The following ERN1 variants were observed in gnomAD, a reference collection of about 807,000 sequenced individuals.
The protein encoded by ERN1 is endoplasmic reticulum to nucleus signaling 1, also known as serine/threonine-protein kinase/endoribonuclease IRE1.
Under a neutral mutation model 113.1 loss-of-function variants are expected in ERN1, and 39 were observed. The ratio of observed to expected loss-of-function variants is 0.34; its 90% CI spans 0.27 to 0.45. The LOEUF (loss-of-function observed/expected upper bound fraction) is 0.45. ERN1 is among the 20% of genes least tolerant of loss of function. The probability of loss-of-function intolerance (pLI) is 1.00; values close to 1 mark genes in which losing one functional copy is unlikely to be tolerated. For missense variants in ERN1, 976 were observed against 1,274.8 expected (o/e 0.77, Z 3.57); for synonymous variants, 507 against 515.9 (o/e 0.98, Z 0.23).
intron 7 of ERN1, 83 bp from the exon 8 acceptor site, chr17:64,067,015 C>A: frequency 2.0e-6 from 3 of 1,466,064 alleles, no homozygotes; most frequent in South Asian, 2.5e-5. Context: ...AGGCTCTAGT[C>A]ACTCAGTTAG....
chr17:64,127,303 C>A lies in ERN1; in HGVS notation c.54+2673G>T, dbSNP rs961245199. ...TATCAAAAACTATTTCTTGCAGAGG[C>A]ATAGTATAACATTCAAAAAATGATG... On this transcript the variant is annotated intron_variant, in intron 1 of 21. Transcript: ENST00000433197. Among the ~76,000 whole-genome samples, 21 of 152,134 alleles carry A rather than the reference C, an allele frequency of 1.4e-4. 2 individuals are homozygous for A. Among genetic ancestry groups the A allele is most frequent in the Admixed American group, 1.2e-3 (19 of 15,282 alleles).
intron 2 of ERN1, among the ~76,000 whole-genome samples, chr17:64,088,866 G>C (rs538778106): frequency 6.6e-6 from 1 of 152,170 alleles, no homozygotes. Flanking sequence ...CTGTGTTCAC[G>C]GGACAGAGGA....
At chr17:64,051,333 G>T (rs1315512443) in intron 17 of ERN1, among the ~76,000 whole-genome samples, 1 of 152,156 alleles carries the variant, frequency 6.6e-6, no homozygotes, top group South Asian at 2.1e-4. Flanking sequence ...ACATTGTGCT[G>T]AAGTATCACC....
Position 64,060,550 on chromosome 17 carries a change from C to T in ERN1, c.1125G>A (p.Met375Ile). The T allele has an allele frequency of 6.2e-7, 1 of 1,613,886 alleles. No individual in the cohort carries two copies. The highest frequency in any genetic ancestry group is 1.6e-4 in the Middle Eastern group (1 of 6,062). The change falls in exon 11 of 22, where the codon ATG becomes ATA. Residue 375 changes from methionine (M) to isoleucine (I), a missense_variant. Around this residue, in one of 5 missense-constraint regions of ERN1, gnomAD observed 459 missense variants for 581.2 expected, o/e 0.79. Coordinates refer to ENST00000433197, the MANE Select transcript of ERN1 (RefSeq NM_001433.5). ...HETPLSASTKMLERFPNNLPK... is the reference protein window; with the variant it reads ...HETPLSASTKILERFPNNLPK... ...GTAGATTGTTGGGAAATCTCTCCAGCATCTTGGTAGACGCAGACAGTGGGG... is the reference window on the plus strand; with the variant it reads ...GTAGATTGTTGGGAAATCTCTCCAGTATCTTGGTAGACGCAGACAGTGGGG...
chr17:64,062,900 T>C (rs1001645487), intron 10 of ERN1, among the ~76,000 whole-genome samples: 4 of 152,180 alleles, frequency 2.6e-5, no homozygotes, highest in Admixed American at 2.0e-4. Context: ...AAAAAAGAAA[T>C]GGACCTTGAC....
intron 1 of ERN1, among the ~76,000 whole-genome samples, chr17:64,120,036 T>G (rs1312282877): frequency 1.3e-5 from 2 of 152,126 alleles, no homozygotes; most frequent in Non-Finnish European, 2.9e-5. Context: ...GGATTACAGG[T>G]GTAAGCCACT....
At chr17:64,069,651 C>G (rs529851078) in intron 6 of ERN1, among the ~76,000 whole-genome samples, 20 of 152,160 alleles carry the variant, frequency 1.3e-4, no homozygotes, top group Non-Finnish European at 1.9e-4. Flanking sequence ...GTCTCTCTTT[C>G]CTGCCCTTTT....
At chr17:64,114,368 G>A (rs1353183947) in intron 1 of ERN1, among the ~76,000 whole-genome samples, 1 of 152,210 alleles carries the variant, frequency 6.6e-6, no homozygotes, top group African/African-American at 2.4e-5. Flanking sequence ...CAGAAGAAGA[G>A]CATCTGGTCT....
chr17:64,107,267 T>C (rs1234223566), intron 1 of ERN1, among the ~76,000 whole-genome samples: 1 of 152,128 alleles, frequency 6.6e-6, no homozygotes, highest in African/African-American at 2.4e-5. Context: ...CAAAGGACTA[T>C]CTTTGAAGTT....
At chr17:64,122,289 G>A (rs917778863) in intron 1 of ERN1, among the ~76,000 whole-genome samples, 1 of 152,178 alleles carries the variant, frequency 6.6e-6, no homozygotes, top group African/African-American at 2.4e-5. Context: ...CTTGGGAGAG[G>A]AGGGTAATGC....
intron 6 of ERN1, among the ~76,000 whole-genome samples, chr17:64,069,473 C>T (rs1359952877): frequency 1.3e-5 from 2 of 152,134 alleles, no homozygotes; most frequent in African/African-American, 4.8e-5. Flanking sequence ...GAAAGGACTT[C>T]TCAGAGGGCA....
chr17:64,053,112 C>T (rs1465763264), intron 16 of ERN1, 133 bp from the exon 17 acceptor site: 11 of 921,104 alleles, frequency 1.2e-5, no homozygotes, highest in Middle Eastern at 3.4e-4. Flanking sequence ...TCAACTATGT[C>T]GGATTCCTCC....
At chr17:64,115,467 A>G (rs1295062224) in intron 1 of ERN1, among the ~76,000 whole-genome samples, 1 of 152,188 alleles carries the variant, frequency 6.6e-6, no homozygotes, top group Non-Finnish European at 1.5e-5. Context: ...TAATGCAGAA[A>G]AAAAGACGGC....
At chr17:64,065,655 T>G (rs1259756171) in intron 8 of ERN1, among the ~76,000 whole-genome samples, 1 of 152,028 alleles carries the variant, frequency 6.6e-6, no homozygotes, top group Non-Finnish European at 1.5e-5. Flanking sequence ...ACAACACACT[T>G]TCACTCCAGC....
At chr17:64,099,222 T>C (rs1049376965) in intron 1 of ERN1, among the ~76,000 whole-genome samples, 1 of 152,112 alleles carries the variant, frequency 6.6e-6, no homozygotes, top group African/African-American at 2.4e-5. Flanking sequence ...ACATTATCAA[T>C]TAAATATAGA....
Position 64,041,140 on chromosome 17 carries a change from T to G in ERN1, c.*2848A>C, listed in dbSNP as rs1912324670. ...TCCAGCCTGGGTGACAGAGCGAGAC[T>G]CTGTCTCAAAAAAACAAAAAACAAA... On this transcript the variant is annotated 3_prime_UTR_variant, in exon 22 of 22. Transcript: ENST00000433197. 1 of 152,144 alleles carries G rather than the reference T, an allele frequency of 6.6e-6. No homozygotes were observed. Among genetic ancestry groups the G allele is most frequent in the South Asian group, 2.1e-4 (1 of 4,828 alleles). The allele number at this position is 152,144 out of a possible 1,614,324, so 9.4% of individuals were successfully genotyped here.
rs1409884338 is a variant in ERN1 at position 64,044,927 on chromosome 17, T to C, written c.2654A>G (p.Asp885Gly). ...RENITVPLQT[D>G]LRKFRTYKGG... ...TTTATAGGTCCTGAATTTACGCAGG[T>C]CTAGAAAAACATTGAGGGAAGCAAT... The change falls in exon 21 of 22, where the codon GAC becomes GGC. Residue 885 changes from aspartate to glycine, a missense_variant and splice_region_variant. Physicochemically the swap from Asp to Gly is moderately conservative, Grantham distance 94. Around this residue, in one of 5 missense-constraint regions of ERN1, gnomAD observed 297 missense variants for 457.8 expected, o/e 0.65. Transcript: ENST00000433197. This position sits in a 1 kb window ranked among gnomAD's most constrained non-coding sequence, Gnocchi z 4.1. 3 of 1,585,800 alleles carry C rather than the reference T, an allele frequency of 1.9e-6. No homozygotes were observed. Among genetic ancestry groups the C allele is most frequent in the Non-Finnish European group, 2.6e-6 (3 of 1,163,868 alleles).
At chr17:64,123,622 G>A (rs1330039945) in intron 1 of ERN1, among the ~76,000 whole-genome samples, 1 of 152,058 alleles carries the variant, frequency 6.6e-6, no homozygotes, top group Admixed American at 6.6e-5. Context: ...CTGGGGGAGA[G>A]GGCTGTAAAA....
rs76086381 is a variant in ERN1, at chr17:64,127,393, G to T, written c.54+2583C>A. 1.9e-3 allele frequency among the ~76,000 whole-genome samples: 292 copies of T among 152,316 alleles called. 9 individuals are homozygous for T. The East Asian group carries it at 0.052, about 27-fold the overall frequency. ...TACATTTATTATCTATTAAGCACGT[G>T]TGAAGGTGGTGCCTTCTTTCACATG... is the stretch of plus-strand genomic sequence containing the variant. On this transcript the variant is annotated intron_variant, in intron 1 of 21. Transcript: ENST00000433197.
Sources: gnomAD v4.1 joint callset for allele counts (sites outside exome capture counted in the v4.1 genomes callset) on GRCh38, gnomAD v4.1.1 for gene constraint, gnomAD v4.1.1 regional missense constraint, Gnocchi (gnomAD v3.1) non-coding constraint, MANE v1.5 for transcripts, NCBI Gene and HGNC (gene_info 2026-07-23, HGNC 2026-07-21) for gene names.